The following BAHD1 variants were observed in gnomAD, a reference collection of about 807,000 sequenced individuals.
BAHD1 encodes bromo adjacent homology domain-containing 1 protein.
A neutral mutation model predicts 63.1 loss-of-function variants in BAHD1; 20 were observed. The ratio of observed to expected loss-of-function variants is 0.32; its 90% CI spans 0.22 to 0.46. BAHD1 has a LOEUF of 0.46. Ranked by LOEUF, BAHD1 falls within the 20% of genes least tolerant of loss-of-function variation. The pLI, the probability that BAHD1 is intolerant of heterozygous loss-of-function variation, is 1.00. For synonymous variants in BAHD1, 408 were observed against 426.8 expected, an observed-to-expected ratio of 0.96 and a Z score of 0.54; for missense variants, 939 against 1,071.8, an observed-to-expected ratio of 0.88 and a Z score of 1.73.
rs1466102030 is a variant in BAHD1, at chr15:40,463,809, T to TA, written c.1816-51dup. The TA allele has an allele frequency of 4.4e-5, 71 of 1,600,758 alleles. No homozygotes were observed. In the Admixed American group the frequency reaches 5.7e-4, roughly 13 times the overall value. ...GGATGTCATTCCCTCTCTCTGTCCTTACTCTGAGTGTGGCTCTGCAAGCCT... is the reference window on the plus strand; with the variant it reads ...GGATGTCATTCCCTCTCTCTGTCCTTAACTCTGAGTGTGGCTCTGCAAGCCT... On this transcript the variant is annotated intron_variant, in intron 3 of 6. Coordinates refer to ENST00000416165, the MANE Select transcript of BAHD1 (RefSeq NM_014952.5).
chr15:40,459,989 G>A (rs1045397014), intron 2 of BAHD1, 93 bp downstream of exon 2: 3 of 1,415,644 alleles, frequency 2.1e-6, no homozygotes, highest in Non-Finnish European at 2.8e-6. Context: ...GGTCTCCCTT[G>A]GGGTCTGGCT....
chr15:40,443,263 C>A, intron 1 of BAHD1: 2 of 985,426 alleles, frequency 2.0e-6, no homozygotes, highest in Non-Finnish European at 1.2e-6. Context: ...ATGGCCACCC[C>A]CCATGGACCT....
intron 1 of BAHD1, among the ~76,000 whole-genome samples, chr15:40,447,119 T>TG (rs1893561174): frequency 6.6e-6 from 1 of 152,218 alleles, no homozygotes; most frequent in Non-Finnish European, 1.5e-5. Flanking sequence ...TGCCGCTTGA[T>TG]GCCAGGAGAT....
At chr15:40,447,212 G>T (rs1437216502) in intron 1 of BAHD1, among the ~76,000 whole-genome samples, 10 of 152,202 alleles carry the variant, frequency 6.6e-5, no homozygotes, top group Admixed American at 5.9e-4. Flanking sequence ...GTAGTGAGGG[G>T]TGTCTCCTGC....
intron 1 of BAHD1, among the ~76,000 whole-genome samples, chr15:40,442,554 C>G (rs1336465993): frequency 6.6e-6 from 1 of 152,154 alleles, no homozygotes; most frequent in African/African-American, 2.4e-5. Flanking sequence ...TGCCTACAGG[C>G]AGAAGTCTAA....
intron 1 of BAHD1, among the ~76,000 whole-genome samples, chr15:40,443,714 C>T (rs1490367551): frequency 6.6e-6 from 1 of 152,110 alleles, no homozygotes; most frequent in African/African-American, 2.4e-5. Flanking sequence ...CCTCCCTTTC[C>T]CTCCTGCTTC....
chr15:40,458,832 A>G lies in BAHD1; in HGVS notation c.368A>G (p.Asn123Ser), dbSNP rs1595858726. Residue 123 changes from asparagine (N) to serine (S), a missense_variant, in exon 2 of 7, where the codon AAT (asparagine) becomes AGT (serine). Physicochemically the swap from Asn to Ser is conservative, Grantham distance 46. This residue lies in a region of BAHD1 where 797 missense variants were observed against 813.3 expected (regional missense o/e 0.98). Transcript: ENST00000416165. This position sits in a 1 kb window ranked among gnomAD's most constrained non-coding sequence, Gnocchi z 4.7. The stretch of plus-strand genomic sequence containing the variant: ...CGCAAGCGGCGCCTGGCCTCCCTCA[A>G]TGCTGAAGCTCTCAATAACCTGCTG... Reference protein sequence around the residue: ...QPRKRRLASLNAEALNNLLLE... With the variant: ...QPRKRRLASLSAEALNNLLLE... 6 of 1,612,170 alleles carry G rather than the reference A, an allele frequency of 3.7e-6. No individual in the cohort carries two copies. The highest frequency in any genetic ancestry group is 5.1e-6 in the Non-Finnish European group (6 of 1,179,648).
At chr15:40,456,358 G>A (rs1218996802) in intron 1 of BAHD1, among the ~76,000 whole-genome samples, 1 of 152,204 alleles carries the variant, frequency 6.6e-6, no homozygotes, top group African/African-American at 2.4e-5. Context: ...GAGCCTAGCA[G>A]ATGCCTGGGA....
chr15:40,457,322 C>T (rs1463139080), intron 1 of BAHD1, among the ~76,000 whole-genome samples: 1 of 115,038 alleles, frequency 8.7e-6, no homozygotes, highest in East Asian at 3.8e-4. Context: ...CCTGGCCTTA[C>T]TGTTACCCTT....
Position 40,466,108 on chromosome 15 carries a change from G to A in BAHD1, c.2321G>A (p.Arg774His), listed in dbSNP as rs866642209. ...CATGTCTATGACTTCCGCCACGGGCGCATCCTTAAGAACCCCCAGTAGCCT... is the reference window on the plus strand; with the variant it reads ...CATGTCTATGACTTCCGCCACGGGCACATCCTTAAGAACCCCCAGTAGCCT... ...CRHVYDFRHG[R>H]ILKNPQ The change falls in exon 7 of 7, where the codon CGC (arginine) becomes CAC (histidine). Residue 774 changes from arginine to histidine, a missense_variant. This residue lies in a region of BAHD1 where 68 missense variants were observed against 86.2 expected (regional missense o/e 0.79). Coordinates refer to ENST00000416165, the MANE Select transcript of BAHD1 (RefSeq NM_014952.5). 1.2e-6 allele frequency: 2 copies of A among 1,613,332 alleles called. No homozygotes were observed. Among genetic ancestry groups the A allele is most frequent in the Non-Finnish European group, 1.7e-6 (2 of 1,179,580 alleles).
Position 40,466,203 on chromosome 15 carries a change from G to C in BAHD1, c.*73G>C. On this transcript the variant is annotated 3_prime_UTR_variant, in exon 7 of 7. Coordinates refer to ENST00000416165, the MANE Select transcript of BAHD1 (RefSeq NM_014952.5). ...GGTAGGGGGCACTGCTTGAAGCACA[G>C]CACTTGGTTAGGGGGCCACAGAGGC... The C allele has an allele frequency of 7.6e-7, 1 of 1,319,482 alleles. No individual in the cohort carries two copies. The highest frequency in any genetic ancestry group is 1.0e-6 in the Non-Finnish European group (1 of 990,978). The allele number at this position is 1,319,482 out of a possible 1,614,324, so 81.7% of individuals were successfully genotyped here. A position where few individuals can be genotyped will look rare whatever the true frequency, so the allele number is the denominator to read the frequency against.
chr15:40,466,351 C>A lies in BAHD1; in HGVS notation c.*221C>A. The A allele has an allele frequency of 2.2e-6, 1 of 449,532 alleles. No individual in the cohort carries two copies. The highest frequency in any genetic ancestry group is 3.9e-6 in the Non-Finnish European group (1 of 254,950). 27.8% of individuals were successfully genotyped at this position (449,532 alleles called of 1,614,324 possible). On this transcript the variant is annotated 3_prime_UTR_variant, in exon 7 of 7. Coordinates refer to ENST00000416165, the MANE Select transcript of BAHD1 (RefSeq NM_014952.5). Reference sequence around the variant, plus strand: ...AAAAGCATCAGAACTCTCAGCTTGGCCCAAGGTACCTTCTGTGGTTCCCCT... The same window carrying A: ...AAAAGCATCAGAACTCTCAGCTTGGACCAAGGTACCTTCTGTGGTTCCCCT...
Position 40,459,883 on chromosome 15 carries a change from G to A in BAHD1, c.1419G>A (p.Met473Ile), listed in dbSNP as rs148148082. The A allele has an allele frequency of 4.4e-5, 69 of 1,584,980 alleles. No individual in the cohort carries two copies. The highest frequency in any genetic ancestry group is 5.8e-5 in the Non-Finnish European group (68 of 1,163,850). ...GTTCGGCPYK[M>I]PFAAEGCRSL... is the part of the protein sequence containing the mutation. The stretch of plus-strand genomic sequence containing the variant: ...CCTGTGGCGGCTGCCCATACAAAAT[G>A]CCTTTTGCAGCAGGTGAGGCTTCCT... Residue 473 changes from methionine (M) to isoleucine (I), a missense_variant, in exon 2 of 7, where the codon ATG becomes ATA. Coordinates refer to ENST00000416165, the MANE Select transcript of BAHD1 (RefSeq NM_014952.5).
chr15:40,438,661 C>T (rs1484848229), upstream of BAHD1, among the ~76,000 whole-genome samples: 1 of 152,126 alleles, frequency 6.6e-6, no homozygotes, highest in East Asian at 1.9e-4. Flanking sequence ...GACAACACTC[C>T]CCTGCTCACC....
chr15:40,465,877 G>A (rs1005779898), intron 6 of BAHD1, 64 bp from the exon 7 acceptor site: 1 of 1,499,172 alleles, frequency 6.7e-7, no homozygotes, highest in African/African-American at 1.4e-5. Context: ...GGTAGGGTAG[G>A]GAAGGAATTG....
At position 40,463,997 on chromosome 15, in the gene BAHD1, C is replaced by T. The variant is rs923384929; in HGVS notation, c.1952C>T (p.Ala651Val). Residue 651 changes from alanine (A) to valine (V), a missense_variant, in exon 4 of 7, where the codon GCC becomes GTC. By Grantham distance (64) the Ala-to-Val change is moderately conservative. Around this residue, in one of 5 missense-constraint regions of BAHD1, gnomAD observed 8 missense variants for 47.7 expected, o/e 0.17. Coordinates refer to ENST00000416165, the MANE Select transcript of BAHD1 (RefSeq NM_014952.5). Reference sequence around the variant, plus strand: ...ACACCTTATGTGGCCAAGATCTCTGCCCTCTGGGAGAACCCCGAGTCAGGT... The same window carrying T: ...ACACCTTATGTGGCCAAGATCTCTGTCCTCTGGGAGAACCCCGAGTCAGGT... ...TSTPYVAKIS[A>V]LWENPESGEL... 1 of 1,614,182 alleles carries T rather than the reference C, an allele frequency of 6.2e-7. No homozygotes were observed. Among genetic ancestry groups the T allele is most frequent in the Non-Finnish European group, 8.5e-7 (1 of 1,180,020 alleles).
In BAHD1 at chr15:40,459,384, C is replaced by A; in HGVS notation, c.920C>A (p.Pro307His). 6.2e-7 allele frequency: 1 copy of A among 1,612,714 alleles called. No homozygotes were observed. The highest frequency in any genetic ancestry group is 8.5e-7 in the Non-Finnish European group (1 of 1,179,720). ...HQPLSKALES[P>H]LGLRPHLPLL... ...CCCCTGAGCAAGGCTCTGGAGAGCC[C>A]TTTGGGGCTGCGCCCTCACCTGCCC... Residue 307 changes from proline (P) to histidine (H), a missense_variant, in exon 2 of 7, where the codon CCT becomes CAT. By Grantham distance (77) the Pro-to-His change is moderately conservative (BLOSUM62 -2). Around this residue, in one of 5 missense-constraint regions of BAHD1, gnomAD observed 797 missense variants for 813.3 expected, o/e 0.98. Coordinates refer to ENST00000416165, the MANE Select transcript of BAHD1 (RefSeq NM_014952.5).
Position 40,459,010 on chromosome 15 carries a change from C to T in BAHD1, c.546C>T (p.Asp182=). ...GGGACCTTGGAGGAGGAAGTCGGGA[C>T]CTGTCTCCAGAGCCAGCACCCGATG... is the stretch of plus-strand genomic sequence containing the variant. The part of the protein sequence containing the change: ...RLGDLGGGSR[D]LSPEPAPDEG... The change falls in exon 2 of 7, where the codon GAC becomes GAT. Residue 182 remains aspartate (D), a synonymous_variant. Coordinates refer to ENST00000416165, the MANE Select transcript of BAHD1 (RefSeq NM_014952.5). 1 of 1,590,988 alleles carries T rather than the reference C, an allele frequency of 6.3e-7. No individual in the cohort carries two copies. Among genetic ancestry groups the T allele is most frequent in the Non-Finnish European group, 8.6e-7 (1 of 1,166,910 alleles).
At chr15:40,449,616 A>G (rs1174987199) in intron 1 of BAHD1, among the ~76,000 whole-genome samples, 1 of 151,976 alleles carries the variant, frequency 6.6e-6, no homozygotes, top group Admixed American at 6.6e-5. Flanking sequence ...CCTGGGCAAC[A>G]TAGTGAGACC....
Sources: allele counts gnomAD v4.1 joint callset (sites outside exome capture counted in the v4.1 genomes callset), GRCh38; gene constraint gnomAD v4.1.1; regional missense constraint gnomAD v4.1.1; non-coding constraint Gnocchi (gnomAD v3.1); transcripts MANE v1.5; gene names NCBI Gene and HGNC (gene_info 2026-07-23, HGNC 2026-07-21).